Variants in ATP2B2 observed in about 807,000 individuals in gnomAD.
ATP2B2 encodes the protein plasma membrane calcium-transporting ATPase 2.
ATP2B2 carries 15 observed loss-of-function variants against 120.0 expected under a neutral mutation model. The observed-to-expected ratio is 0.12, with a 90% CI of 0.08 to 0.19. ATP2B2 has a LOEUF of 0.19. Among genes scored for constraint, ATP2B2 ranks in the 10% least tolerant of loss-of-function variants. ATP2B2 has a pLI of 1.00. For synonymous variants in ATP2B2, 694 were observed against 700.3 expected (o/e 0.99, Z 0.14); for missense variants, 1,045 against 1,719.8 (o/e 0.61, Z 6.94).
At chr3:10,591,214 A>G (rs2068635705) in intron 2 of ATP2B2, among the ~76,000 whole-genome samples, 1 of 152,132 alleles carries the variant, frequency 6.6e-6, no homozygotes, top group South Asian at 2.1e-4. Context: ...TTGACTCATT[A>G]GTCCATGCAG....
chr3:10,522,079 G>A (rs1412746319), intron 3 of ATP2B2, among the ~76,000 whole-genome samples: 4 of 152,110 alleles, frequency 2.6e-5, no homozygotes, highest in African/African-American at 9.7e-5. Context: ...TATGTGGGTG[G>A]GCACAAGGCA....
At chr3:10,608,829 C>T (rs1049760721) in intron 2 of ATP2B2, among the ~76,000 whole-genome samples, 1 of 152,174 alleles carries the variant, frequency 6.6e-6, no homozygotes, top group East Asian at 1.9e-4. Context: ...AGACTAGGGG[C>T]GCTGCTGGGG....
intron 1 of ATP2B2, among the ~76,000 whole-genome samples, chr3:10,499,524 T>C (rs922639398): frequency 4.6e-5 from 7 of 152,258 alleles, no homozygotes; most frequent in Admixed American, 2.0e-4. Flanking sequence ...AGTACTATTA[T>C]GATGAACATT....
At chr3:10,371,774 G>T in intron 12 of ATP2B2, 35 bp downstream of exon 12, 3 of 1,614,040 alleles carry the variant, frequency 1.9e-6, no homozygotes, top group Non-Finnish European at 2.5e-6. Context: ...CATGGATGTT[G>T]CTCCAGGTGG....
Position 10,602,101 on chromosome 3 carries a change from C to G in ATP2B2, c.-415+17816G>C, listed in dbSNP as rs544613068. Among the ~76,000 whole-genome samples, 5 of 152,358 alleles carry G rather than the reference C, an allele frequency of 3.3e-5. No individual in the cohort carries two copies. The East Asian group carries it at 9.6e-4, about 29-fold the overall frequency. On this transcript the variant is annotated intron_variant, in intron 2 of 21. Coordinates refer to the ATP2B2 transcript ENST00000646379. ...GCTCTCCTGGCAGCCAGAGGCAGTG[C>G]TGGGTTGAAGCCCCCTCGGAGCCCC... is the stretch of plus-strand genomic sequence containing the variant.
intron 1 of ATP2B2, among the ~76,000 whole-genome samples, chr3:10,700,912 T>C (rs1486301242): frequency 6.6e-6 from 1 of 152,244 alleles, no homozygotes; most frequent in African/African-American, 2.4e-5. Context: ...GCATGGTGGT[T>C]ATTAAAGCTT....
intron 6 of ATP2B2, among the ~76,000 whole-genome samples, chr3:10,387,395 C>A (rs1331482097): frequency 2.6e-5 from 4 of 152,244 alleles, no homozygotes; most frequent in Non-Finnish European, 5.9e-5. Context: ...GCCCCTAAAA[C>A]TCAGTGGGGG....
Position 10,582,094 on chromosome 3 carries a change from C to T in ATP2B2, c.-415+37823G>A, listed in dbSNP as rs553043464. Among the ~76,000 whole-genome samples the T allele has an allele frequency of 2.6e-5, 4 of 152,334 alleles. No homozygotes were observed. The South Asian group carries it at 8.3e-4, about 32-fold the overall frequency. ...CAAATCTTATTTTTAACGAGACATA[C>T]TTTGGCGCTTGCAAGAACATTTAAA... On this transcript the variant is annotated intron_variant, in intron 2 of 21. Transcript: ENST00000646379.
intron 4 of ATP2B2, 111 bp from the exon 5 acceptor site, chr3:10,401,189 C>T (rs2062207493): frequency 7.1e-7 from 1 of 1,413,668 alleles, no homozygotes; most frequent in Non-Finnish European, 9.6e-7. Flanking sequence ...GGACAGAATG[C>T]CTAGAGCTCC....
intron 2 of ATP2B2, among the ~76,000 whole-genome samples, chr3:10,550,989 T>C (rs574312749): frequency 6.6e-6 from 1 of 152,248 alleles, no homozygotes; most frequent in South Asian, 2.1e-4. Context: ...CCAACTTGGA[T>C]CAGGCAAGTT....
At chr3:10,606,526 T>C (rs1393555691) in intron 2 of ATP2B2, among the ~76,000 whole-genome samples, 1 of 152,148 alleles carries the variant, frequency 6.6e-6, no homozygotes, top group Admixed American at 6.5e-5. Context: ...CTTCCAATCC[T>C]CCTGGCTTGT....
chr3:10,396,876 C>A (rs183756243), intron 5 of ATP2B2, among the ~76,000 whole-genome samples: 25 of 152,254 alleles, frequency 1.6e-4, no homozygotes, highest in Non-Finnish European at 3.1e-4. Flanking sequence ...TTGGGGGTCC[C>A]TGGCTAAGGA....
chr3:10,617,566 G>T (rs1008254011), intron 2 of ATP2B2, among the ~76,000 whole-genome samples: 1 of 152,216 alleles, frequency 6.6e-6, no homozygotes, highest in Non-Finnish European at 1.5e-5. Flanking sequence ...AGGCACAAAG[G>T]GGTGGAGTCA....
At chr3:10,702,739 C>G (rs944476075) in intron 1 of ATP2B2, among the ~76,000 whole-genome samples, 5 of 152,156 alleles carry the variant, frequency 3.3e-5, no homozygotes, top group African/African-American at 4.8e-5. Context: ...TTACATCTCC[C>G]CAGAATCCTG....
chr3:10,529,520 A>T (rs2067167518), intron 3 of ATP2B2, among the ~76,000 whole-genome samples: 1 of 152,344 alleles, frequency 6.6e-6, no homozygotes, highest in Non-Finnish European at 1.5e-5. Context: ...GGAAGCTAAG[A>T]TATCAGTGAT....
intron 1 of ATP2B2, among the ~76,000 whole-genome samples, chr3:10,698,062 T>C (rs530507201): frequency 2.0e-5 from 3 of 152,194 alleles, no homozygotes; most frequent in Non-Finnish European, 2.9e-5. Flanking sequence ...GCCCTGACTG[T>C]GTCAGTTTCT....
chr3:10,496,851 T>C (rs1271713339), intron 1 of ATP2B2, among the ~76,000 whole-genome samples: 1 of 149,722 alleles, frequency 6.7e-6, no homozygotes, highest in Non-Finnish European at 1.5e-5. Context: ...GTGCTTGTCA[T>C]GGCTGGCTGC....
At chr3:10,522,271 C>T (rs2066999377) in intron 3 of ATP2B2, among the ~76,000 whole-genome samples, 1 of 152,130 alleles carries the variant, frequency 6.6e-6, no homozygotes, top group Non-Finnish European at 1.5e-5. Flanking sequence ...TGCCTTTTCT[C>T]AGCTGCTGTG....
intron 12 of ATP2B2, among the ~76,000 whole-genome samples, chr3:10,366,406 G>A (rs1396641649): frequency 6.6e-6 from 1 of 152,194 alleles, no homozygotes; most frequent in East Asian, 1.9e-4. Context: ...GGCGAAGCTT[G>A]GCTTATCTAT....
Sources: gnomAD v4.1 joint callset for allele counts (sites outside exome capture counted in the v4.1 genomes callset) on GRCh38, gnomAD v4.1.1 for gene constraint, MANE v1.5 for transcripts, NCBI Gene and HGNC (gene_info 2026-07-23, HGNC 2026-07-21) for gene names.